The following AFAP1L2 variants were observed in gnomAD, a reference collection of about 807,000 sequenced individuals.
The protein encoded by AFAP1L2 is actin filament-associated protein 1-like 2.
A neutral mutation model predicts 99.3 loss-of-function variants in AFAP1L2; 46 were observed. That is an observed-to-expected ratio of 0.46 (90% CI 0.37 to 0.59). The LOEUF is 0.59. Ranked by LOEUF, AFAP1L2 falls within the 20% of genes least tolerant of loss-of-function variation. The pLI, the probability that AFAP1L2 is intolerant of heterozygous loss-of-function variation, is 0.00. For synonymous variants in AFAP1L2, 397 were observed against 419.1 expected (o/e 0.95, Z 0.64); for missense variants, 959 against 1,034.9 (o/e 0.93, Z 1.01).
chr10:114,327,448 A>G (rs1316743935), intron 4 of AFAP1L2, among the ~76,000 whole-genome samples: 1 of 151,906 alleles, frequency 6.6e-6, no homozygotes, highest in Admixed American at 6.6e-5. Flanking sequence ...TGTGAATATT[A>G]AATGAAGATC....
chr10:114,300,145 C>T, intron 15 of AFAP1L2, 49 bp downstream of exon 15: 1 of 1,612,252 alleles, frequency 6.2e-7, no homozygotes, highest in Non-Finnish European at 8.5e-7. Context: ...CTCTAGAGAA[C>T]CCTGACTAAT....
At position 114,342,047 on chromosome 10, in the gene AFAP1L2, C is replaced by T. The variant is rs11196703; in HGVS notation, c.17-1316G>A. Among the ~76,000 whole-genome samples, 796 of 152,276 alleles carry T rather than the reference C, an allele frequency of 5.2e-3. 35 individuals carry two copies. The East Asian group carries it at 0.098, about 19-fold the overall frequency. On this transcript the variant is annotated intron_variant, in intron 1 of 18. Coordinates refer to ENST00000304129, the MANE Select transcript of AFAP1L2 (RefSeq NM_001001936.3). ...TGAGAAAACAAGTGTGAGGCTTGAC[C>T]GCTAGACTTGGGGTTTTCTACGCTG...
At chr10:114,336,577 G>C (rs2048007602) in intron 2 of AFAP1L2, among the ~76,000 whole-genome samples, 1 of 152,046 alleles carries the variant, frequency 6.6e-6, no homozygotes. Context: ...CCTTCCCAGA[G>C]AACTGGCATA....
At chr10:114,303,065 T>TC (rs2134094118) in intron 11 of AFAP1L2, among the ~76,000 whole-genome samples, 1 of 152,292 alleles carries the variant, frequency 6.6e-6, no homozygotes, top group South Asian at 2.1e-4. Flanking sequence ...TATTTTTTTT[T>TC]CCAGGGGACA....
intron 2 of AFAP1L2, among the ~76,000 whole-genome samples, chr10:114,333,799 C>T (rs563209088): frequency 5.9e-5 from 9 of 152,096 alleles, no homozygotes; most frequent in East Asian, 3.9e-4. Context: ...CAACAGAGTG[C>T]GACTCCATCT....
downstream of AFAP1L2, chr10:114,291,392 A>C: frequency 7.5e-5 from 63 of 839,044 alleles, no homozygotes; most frequent in Non-Finnish European, 9.9e-5. Context: ...CACTATTCTC[A>C]CTGAGGGAGG....
chr10:114,390,717 T>A (rs2057033608), intron 1 of AFAP1L2, among the ~76,000 whole-genome samples: 2 of 42,828 alleles, frequency 4.7e-5, no homozygotes, highest in South Asian at 1.3e-3. Flanking sequence ...CGAGACTCTG[T>A]CTCAAAAAAA....
chr10:114,325,972 T>C, intron 4 of AFAP1L2: 1 of 1,289,246 alleles, frequency 7.8e-7, no homozygotes, highest in Non-Finnish European at 1.0e-6. Context: ...GAAACTCCGT[T>C]CCCGTCAGGT....
intron 16 of AFAP1L2, among the ~76,000 whole-genome samples, chr10:114,297,748 A>G (rs61497917): frequency 0.042 from 6,337 of 152,202 alleles, 435 homozygotes; most frequent in African/African-American, 0.14. Flanking sequence ...TTCATGGCCC[A>G]TGGAGGAGGG....
In AFAP1L2 at chr10:114,295,287, T is replaced by A; in HGVS notation, c.*755A>T. On this transcript the variant is annotated 3_prime_UTR_variant, in exon 19 of 19. Coordinates refer to ENST00000304129, the MANE Select transcript of AFAP1L2 (RefSeq NM_001001936.3). Reference sequence around the variant, plus strand: ...TCACTTTAATCTCAAAAGATACTTTTCACTGTTCTAAATGACAGGATTTTA... The same window carrying A: ...TCACTTTAATCTCAAAAGATACTTTACACTGTTCTAAATGACAGGATTTTA... 2.0e-6 allele frequency: 2 copies of A among 984,998 alleles called. No individual in the cohort carries two copies. Among genetic ancestry groups the A allele is most frequent in the Non-Finnish European group, 2.4e-6 (2 of 829,080 alleles). The allele number at this position is 984,998 out of a possible 1,614,324, so 61.0% of individuals were successfully genotyped here.
chr10:114,386,764 C>T (rs540034710), intron 1 of AFAP1L2, among the ~76,000 whole-genome samples: 5 of 152,350 alleles, frequency 3.3e-5, no homozygotes, highest in South Asian at 2.1e-4. Context: ...CACCCAGCAA[C>T]GGCACATCCC....
At chr10:114,310,240 T>G in intron 8 of AFAP1L2, 114 bp downstream of exon 8, 11 of 1,119,558 alleles carry the variant, frequency 9.8e-6, no homozygotes, top group Non-Finnish European at 1.4e-5. Context: ...AAGCATTGTA[T>G]GTTTCTTATT....
At chr10:114,282,014 TACC>T in the AFAP1L2 span, among the ~76,000 whole-genome samples, 1 of 118,314 alleles carries the variant, frequency 8.5e-6, no homozygotes, top group Non-Finnish European at 1.8e-5. Context: ...CAGCTTATGT[TACC>T]TTTTTTTTTT....
chr10:114,360,213 G>A (rs986565028), intron 1 of AFAP1L2, among the ~76,000 whole-genome samples: 3 of 152,090 alleles, frequency 2.0e-5, no homozygotes, highest in African/African-American at 4.8e-5. Context: ...CCTGCCTGTC[G>A]GTCTGAGCTG....
At chr10:114,387,438 T>C (rs1316062451) in intron 1 of AFAP1L2, among the ~76,000 whole-genome samples, 1 of 152,104 alleles carries the variant, frequency 6.6e-6, no homozygotes, top group Admixed American at 6.5e-5. Context: ...ATGGCAGCAT[T>C]ACTAAAAGCA....
chr10:114,361,429 G>A (rs1406926805), intron 1 of AFAP1L2, among the ~76,000 whole-genome samples: 3 of 152,138 alleles, frequency 2.0e-5, no homozygotes, highest in African/African-American at 7.2e-5. Context: ...AGACTGTCTG[G>A]AGATTGTTCC....
intron 4 of AFAP1L2, among the ~76,000 whole-genome samples, chr10:114,330,849 C>G (rs891027109): frequency 1.3e-5 from 2 of 152,206 alleles, no homozygotes; most frequent in Non-Finnish European, 2.9e-5. Context: ...GGAGAGGAGA[C>G]AGTAAACAAG....
At chr10:114,390,213 T>C (rs934286482) in intron 1 of AFAP1L2, among the ~76,000 whole-genome samples, 4 of 152,218 alleles carry the variant, frequency 2.6e-5, no homozygotes, top group Non-Finnish European at 2.9e-5. Context: ...ATTGGATGTA[T>C]ATCTCAGCCA....
At chr10:114,362,710 A>G (rs1311748860) in intron 1 of AFAP1L2, among the ~76,000 whole-genome samples, 2 of 152,108 alleles carry the variant, frequency 1.3e-5, no homozygotes, top group Admixed American at 6.5e-5. Flanking sequence ...ACCCCCATCA[A>G]CTCACGGAGC....
Sources: gnomAD v4.1 joint callset for allele counts (sites outside exome capture counted in the v4.1 genomes callset) on GRCh38, gnomAD v4.1.1 for gene constraint, MANE v1.5 for transcripts, NCBI Gene and HGNC (gene_info 2026-07-23, HGNC 2026-07-21) for gene names.